MECOM: variants seen among roughly 807,000 people sequenced by gnomAD.
MECOM encodes histone-lysine N-methyltransferase MECOM.
A neutral mutation model predicts 116.3 loss-of-function variants in MECOM; 13 were observed. The ratio of observed to expected loss-of-function variants is 0.11; its 90% confidence interval spans 0.07 to 0.18. The LOEUF (loss-of-function observed/expected upper bound fraction) is 0.18. Among genes scored for constraint, MECOM ranks in the 10% least tolerant of loss-of-function variants. The pLI, the probability that MECOM is intolerant of heterozygous loss-of-function variation, is 1.00. For synonymous variants in MECOM, 528 were observed against 535.2 expected, an observed-to-expected ratio of 0.99 and a Z score of 0.19; for missense variants, 1,299 against 1,509.0, an observed-to-expected ratio of 0.86 and a Z score of 2.31.
chr3:169,485,989 ATATATG>A (rs1560341149), intron 1 of MECOM, among the ~76,000 whole-genome samples: 21 of 95,558 alleles, frequency 2.2e-4, no homozygotes, highest in African/African-American at 8.8e-4. Flanking sequence ...TATATAGTAT[ATATATG>A]TATATATATA....
chr3:169,436,392 G>C (rs542774097), intron 1 of MECOM, among the ~76,000 whole-genome samples: 1 of 151,690 alleles, frequency 6.6e-6, no homozygotes, highest in Non-Finnish European at 1.5e-5. Context: ...TTAGTATTAC[G>C]GGCATGCGCC....
intron 15 of MECOM, 63 bp downstream of exon 15, chr3:169,089,937 A>C (rs1236180060): frequency 6.5e-7 from 1 of 1,533,226 alleles, no homozygotes; most frequent in Non-Finnish European, 8.7e-7. Context: ...TTATCACAGG[A>C]GGAATTGCAA....
chr3:169,095,281 C>T, intron 12 of MECOM, 36 bp from the exon 13 acceptor site: 1 of 1,570,486 alleles, frequency 6.4e-7, no homozygotes, highest in Non-Finnish European at 8.7e-7. Context: ...TTAGCAAGCA[C>T]ATTAAAAGGT....
intron 1 of MECOM, among the ~76,000 whole-genome samples, chr3:169,543,893 T>C (rs1306255248): frequency 1.3e-5 from 2 of 152,220 alleles, no homozygotes; most frequent in Non-Finnish European, 2.9e-5. Context: ...TTTTATTTAT[T>C]TATTTATTTT....
At chr3:169,662,952 G>A (rs1427706301) in intron 1 of MECOM, among the ~76,000 whole-genome samples, 1 of 151,586 alleles carries the variant, frequency 6.6e-6, no homozygotes, top group East Asian at 2.0e-4. Context: ...CCGCCTGGGG[G>A]GAAGGGGAGG....
chr3:169,507,535 G>GA (rs1755384274), intron 1 of MECOM, among the ~76,000 whole-genome samples: 1 of 149,280 alleles, frequency 6.7e-6, no homozygotes, highest in Non-Finnish European at 1.5e-5. Context: ...GGGTAGGGAA[G>GA]AAAAAGAGGG....
intron 1 of MECOM, among the ~76,000 whole-genome samples, chr3:169,594,178 A>AAAAAAAAAAACCAAAAAACACCTT (rs1553894686): frequency 1.4e-5 from 2 of 138,598 alleles, no homozygotes; most frequent in African/African-American, 2.8e-5. Context: ...AAAAAAAAAC[A>AAAAAAAAAAACCAAAAAACACCTT]CCTTTTCACC....
At chr3:169,112,711 T>C (rs1178995331) in intron 9 of MECOM, 76 bp downstream of exon 9, 1 of 1,115,182 alleles carries the variant, frequency 9.0e-7, no homozygotes, top group East Asian at 2.4e-5. Context: ...CAAGATGTCT[T>C]TCATTTCATT....
At chr3:169,441,401 T>A (rs765647479) in intron 1 of MECOM, among the ~76,000 whole-genome samples, 8 of 152,210 alleles carry the variant, frequency 5.3e-5, no homozygotes, top group Non-Finnish European at 1.2e-4. Context: ...TAAAACTCTG[T>A]ACCAGTACAA....
rs1718788247 is a variant in MECOM, at chr3:169,089,062, A to G, written c.3523T>C (p.Phe1175Leu). The G allele has an allele frequency of 1.2e-6, 2 of 1,609,774 alleles. No homozygotes were observed. Among genetic ancestry groups the G allele is most frequent in the Non-Finnish European group, 1.7e-6 (2 of 1,178,366 alleles). The part of the protein sequence containing the change: ...NQYSEAELSS[F>L]STSHVPEELK... ...TCCTCTGGCACATGGGAAGTACTAA[A>G]AGAAGACAGCTCAGCTTCAGAATAT... The change falls in exon 16 of 17, where the codon TTT becomes CTT. Residue 1175 changes from phenylalanine (F) to leucine (L), a missense_variant. Phe to Leu is a conservative substitution (Grantham distance 22). Coordinates refer to ENST00000651503, the MANE Select transcript of MECOM (RefSeq NM_004991.4).
At chr3:169,292,287 C>T (rs1046946346) in intron 2 of MECOM, among the ~76,000 whole-genome samples, 2 of 152,128 alleles carry the variant, frequency 1.3e-5, no homozygotes, top group South Asian at 2.1e-4. Context: ...GAGCTGAGAT[C>T]GCACAACCAC....
intron 1 of MECOM, among the ~76,000 whole-genome samples, chr3:169,446,847 C>T (rs920849306): frequency 6.6e-5 from 10 of 152,204 alleles, no homozygotes; most frequent in African/African-American, 2.4e-4. Context: ...TGCAGTGCTA[C>T]TGCCCTCATC....
rs373891865 is a variant in MECOM at position 169,260,009 on chromosome 3, G to A, written c.376-116177C>T. On this transcript the variant is annotated intron_variant, in intron 2 of 16. Transcript: ENST00000651503. ...ATTAATGAGTTAATGCATATAAAGT[G>A]CTTAGAGTAGTGACTGACACAGAGC... is the stretch of plus-strand genomic sequence containing the variant. Among the ~76,000 whole-genome samples, 15 of 152,276 alleles carry A rather than the reference G, an allele frequency of 9.9e-5. No homozygotes were observed. In the East Asian group the frequency reaches 2.5e-3, roughly 25 times the overall value.
At chr3:169,492,150 T>A (rs1753175955) in intron 1 of MECOM, among the ~76,000 whole-genome samples, 1 of 152,156 alleles carries the variant, frequency 6.6e-6, no homozygotes. Flanking sequence ...GAAGAAGAGT[T>A]TTAAAGGAAG....
chr3:169,466,677 T>C (rs1337415309), intron 1 of MECOM, among the ~76,000 whole-genome samples: 4 of 152,164 alleles, frequency 2.6e-5, no homozygotes, highest in Admixed American at 2.0e-4. Flanking sequence ...ACATGCCAGT[T>C]TGTGGCTCTT....
chr3:169,336,728 A>T (rs114980699), intron 2 of MECOM, among the ~76,000 whole-genome samples: 1,718 of 152,220 alleles, frequency 0.011, 30 homozygotes, highest in African/African-American at 0.039. Context: ...ATTTAAATTA[A>T]CTCCAATATT....
intron 2 of MECOM, among the ~76,000 whole-genome samples, chr3:169,219,637 C>A (rs1181504397): frequency 6.6e-6 from 1 of 152,104 alleles, no homozygotes; most frequent in South Asian, 2.1e-4. Flanking sequence ...TGAGCACACA[C>A]ATGTAGCTAC....
At chr3:169,206,628 C>G (rs546528589) in intron 2 of MECOM, among the ~76,000 whole-genome samples, 24 of 152,048 alleles carry the variant, frequency 1.6e-4, no homozygotes, top group Non-Finnish European at 3.2e-4. Flanking sequence ...GGGCGGGTGC[C>G]TATAATCCCA....
chr3:169,403,681 A>G (rs1374752870), intron 1 of MECOM, among the ~76,000 whole-genome samples: 1 of 152,206 alleles, frequency 6.6e-6, no homozygotes, highest in Non-Finnish European at 1.5e-5. Flanking sequence ...TGTGTTTACC[A>G]CTTCATAGCC....
Sources: allele counts gnomAD v4.1 joint callset (sites outside exome capture counted in the v4.1 genomes callset), GRCh38; gene constraint gnomAD v4.1.1; transcripts MANE v1.5; gene names NCBI Gene and HGNC (gene_info 2026-07-23, HGNC 2026-07-21).